SLC25A21: variants seen among roughly 807,000 people sequenced by gnomAD.
The protein encoded by SLC25A21 is solute carrier family 25 member 21.
In SLC25A21, 47 loss-of-function variants were observed where a neutral mutation model predicts 43.8. The observed-to-expected ratio is 1.07, with a 90% CI of 0.85 to 1.37. SLC25A21 has a LOEUF of 1.37. Ranked by LOEUF, SLC25A21 falls within the 40% of genes most tolerant of loss-of-function variation. The probability of loss-of-function intolerance (pLI) is 0.00; values close to 1 mark genes in which losing one functional copy is unlikely to be tolerated. For synonymous variants in SLC25A21, 131 were observed against 121.3 expected (o/e 1.08, Z -0.52); for missense variants, 352 against 350.2 (o/e 1.00, Z -0.04).
rs907576436 is a variant in SLC25A21 at position 36,868,756 on chromosome 14, T to C, written c.119+6200A>G. On this transcript the variant is annotated intron_variant, in intron 2 of 9. Coordinates refer to ENST00000331299, the MANE Select transcript of SLC25A21 (RefSeq NM_030631.4). Reference sequence around the variant, plus strand: ...TCAATTTCTTACTCCTGCCTTGTCCTACTCTGCTCTGTAATGTGAAGGGGC... The same window carrying C: ...TCAATTTCTTACTCCTGCCTTGTCCCACTCTGCTCTGTAATGTGAAGGGGC... 2.2e-4 allele frequency among the ~76,000 whole-genome samples: 34 copies of C among 152,222 alleles called. 1 individual carries two copies. Among genetic ancestry groups the C allele is most frequent in the African/African-American group, 8.0e-4 (33 of 41,462 alleles).
intron 5 of SLC25A21, among the ~76,000 whole-genome samples, chr14:36,725,960 T>C (rs1056198458): frequency 6.6e-6 from 1 of 152,190 alleles, no homozygotes; most frequent in Admixed American, 6.5e-5. Context: ...CAAGGTTGTT[T>C]TACTGATTTA....
intron 2 of SLC25A21, among the ~76,000 whole-genome samples, chr14:36,825,774 T>C (rs533745474): frequency 6.6e-6 from 1 of 152,194 alleles, no homozygotes; most frequent in Non-Finnish European, 1.5e-5. Context: ...TTAAACATAA[T>C]GCATGCTTTT....
chr14:37,005,450 T>C (rs1594748572), intron 1 of SLC25A21, among the ~76,000 whole-genome samples: 1 of 152,316 alleles, frequency 6.6e-6, no homozygotes, highest in East Asian at 1.9e-4. Context: ...CTTTATTAAA[T>C]TGCTATAATT....
intron 7 of SLC25A21, among the ~76,000 whole-genome samples, chr14:36,686,977 A>G (rs1882582874): frequency 6.6e-6 from 1 of 152,130 alleles, no homozygotes; most frequent in Admixed American, 6.5e-5. Flanking sequence ...TTTGAGATGG[A>G]GTCTCACTCT....
rs182960857 is a variant in SLC25A21 at position 36,888,635 on chromosome 14, G to A, written c.71-13631C>T. Reference sequence around the variant, plus strand: ...CTTCCTCCCTCTGTGCCCTTCCTACGGTGTATCTTACAAGAAGAAAGAGGA... The same window carrying A: ...CTTCCTCCCTCTGTGCCCTTCCTACAGTGTATCTTACAAGAAGAAAGAGGA... On this transcript the variant is annotated intron_variant, in intron 1 of 9. Coordinates refer to ENST00000331299, the MANE Select transcript of SLC25A21 (RefSeq NM_030631.4). Among the ~76,000 whole-genome samples, 538 of 152,036 alleles carry A rather than the reference G, an allele frequency of 3.5e-3. 5 individuals carry two copies. The highest frequency in any genetic ancestry group is 0.012 in the African/African-American group (485 of 41,460).
intron 3 of SLC25A21, among the ~76,000 whole-genome samples, chr14:36,774,682 C>A (rs1013152331): frequency 3.9e-5 from 6 of 152,128 alleles, no homozygotes; most frequent in Admixed American, 3.3e-4. Context: ...TCCTCCCCCT[C>A]AGCCTCCTGA....
intron 2 of SLC25A21, among the ~76,000 whole-genome samples, chr14:36,817,670 A>G (rs1255162040): frequency 6.6e-6 from 1 of 152,112 alleles, no homozygotes; most frequent in African/African-American, 2.4e-5. Flanking sequence ...CCATTGCACA[A>G]TTGCATGGCC....
chr14:36,960,363 T>G (rs922315976), intron 1 of SLC25A21, among the ~76,000 whole-genome samples: 1 of 152,120 alleles, frequency 6.6e-6, no homozygotes, highest in African/African-American at 2.4e-5. Flanking sequence ...TTCATAAAAC[T>G]GAGAACTAGG....
rs182978964 is a variant in SLC25A21 at position 36,884,344 on chromosome 14, C to A, written c.71-9340G>T. Among the ~76,000 whole-genome samples, 11 of 152,248 alleles carry A rather than the reference C, an allele frequency of 7.2e-5. No homozygotes were observed. In the East Asian group the frequency reaches 2.1e-3, roughly 29 times the overall value. On this transcript the variant is annotated intron_variant, in intron 1 of 9. Transcript: ENST00000331299. ...TTCTTTTTCAGGGCTGAAGAGTATTCTGTTGTATACATTTTCTTATCACTC... is the reference window on the plus strand; with the variant it reads ...TTCTTTTTCAGGGCTGAAGAGTATTATGTTGTATACATTTTCTTATCACTC...
At chr14:37,101,654 T>C (rs1962819205) in intron 1 of SLC25A21, among the ~76,000 whole-genome samples, 1 of 152,188 alleles carries the variant, frequency 6.6e-6, no homozygotes, top group African/African-American at 2.4e-5. Context: ...TAAATGATGG[T>C]TTGCAAATAT....
At chr14:36,926,401 G>GA (rs981248937) in intron 1 of SLC25A21, among the ~76,000 whole-genome samples, 14 of 151,306 alleles carry the variant, frequency 9.3e-5, no homozygotes, top group East Asian at 5.8e-4. Context: ...AAGAATAAAA[G>GA]AAAAAAAATG....
At chr14:36,727,920 T>G (rs1432099384) in intron 5 of SLC25A21, among the ~76,000 whole-genome samples, 1 of 152,192 alleles carries the variant, frequency 6.6e-6, no homozygotes, top group African/African-American at 2.4e-5. Flanking sequence ...CTGGGAAAGC[T>G]AAAATCCAGA....
At chr14:36,700,992 G>A in intron 7 of SLC25A21, among the ~76,000 whole-genome samples, 1 of 152,086 alleles carries the variant, frequency 6.6e-6, no homozygotes, top group East Asian at 1.9e-4. Flanking sequence ...AGAGTGAACT[G>A]CCTTTTTTTT....
chr14:36,773,186 G>GAAA (rs35175418), intron 3 of SLC25A21, among the ~76,000 whole-genome samples: 1 of 147,882 alleles, frequency 6.8e-6, no homozygotes, highest in Non-Finnish European at 1.5e-5. Context: ...TTTCGAGAAG[G>GAAA]AAAAAAAAAA....
At chr14:37,013,420 TAC>T (rs1314599874) in intron 1 of SLC25A21, among the ~76,000 whole-genome samples, 2 of 152,334 alleles carry the variant, frequency 1.3e-5, no homozygotes, top group East Asian at 3.9e-4. Flanking sequence ...CTCTGTGAAG[TAC>T]ACCAGGATGC....
chr14:37,116,430 T>TAC (rs771421336), intron 1 of SLC25A21, among the ~76,000 whole-genome samples: 1 of 152,204 alleles, frequency 6.6e-6, no homozygotes, highest in Non-Finnish European at 1.5e-5. Flanking sequence ...ACTTCAGCAT[T>TAC]ACATTTGAAG....
At chr14:36,787,164 A>G (rs1887281666) in intron 3 of SLC25A21, among the ~76,000 whole-genome samples, 1 of 152,190 alleles carries the variant, frequency 6.6e-6, no homozygotes, top group Non-Finnish European at 1.5e-5. Context: ...AGACTTTTGC[A>G]TTAGTTGGCA....
chr14:37,072,334 T>C (rs1962191091), intron 1 of SLC25A21, among the ~76,000 whole-genome samples: 1 of 152,198 alleles, frequency 6.6e-6, no homozygotes, highest in Non-Finnish European at 1.5e-5. Flanking sequence ...CCTCAGGCTG[T>C]GCCAAAGGCA....
intron 1 of SLC25A21, among the ~76,000 whole-genome samples, chr14:37,068,327 C>T (rs1370780978): frequency 6.6e-6 from 1 of 152,142 alleles, no homozygotes; most frequent in Non-Finnish European, 1.5e-5. Context: ...ACCAGGTTCT[C>T]TGTCTATAAA....
Sources: gnomAD v4.1 joint callset for allele counts (sites outside exome capture counted in the v4.1 genomes callset) on GRCh38, gnomAD v4.1.1 for gene constraint, MANE v1.5 for transcripts, NCBI Gene and HGNC (gene_info 2026-07-23, HGNC 2026-07-21) for gene names.